Variants in PTPRO observed in about 807,000 individuals in gnomAD.
PTPRO encodes the protein receptor-type tyrosine-protein phosphatase O.
Under a neutral mutation model 145.2 loss-of-function variants are expected in PTPRO, and 62 were observed. The ratio of observed to expected loss-of-function variants is 0.43; its 90% confidence interval spans 0.35 to 0.53. PTPRO has a LOEUF of 0.53. Ranked by LOEUF, PTPRO falls within the 20% of genes least tolerant of loss-of-function variation. The pLI, the probability that PTPRO is intolerant of heterozygous loss-of-function variation, is 0.01. For missense variants in PTPRO, 1,345 were observed against 1,482.7 expected (o/e 0.91, Z 1.53); for synonymous variants, 565 against 514.7 (o/e 1.10, Z -1.32).
intron 1 of PTPRO, among the ~76,000 whole-genome samples, chr12:15,436,542 C>A (rs1940599731): frequency 6.6e-6 from 1 of 152,152 alleles, no homozygotes; most frequent in Admixed American, 6.5e-5. Flanking sequence ...GAGATCCAAG[C>A]AACCCAGGCC....
At chr12:15,523,598 G>A (rs949942274) in intron 10 of PTPRO, among the ~76,000 whole-genome samples, 2 of 151,996 alleles carry the variant, frequency 1.3e-5, no homozygotes, top group Non-Finnish European at 2.9e-5. Flanking sequence ...AATATAGAAA[G>A]ACCCTGTCTC....
chr12:15,328,573 C>G (rs1247571883), intron 1 of PTPRO, among the ~76,000 whole-genome samples: 1 of 151,748 alleles, frequency 6.6e-6, no homozygotes, highest in Non-Finnish European at 1.5e-5. Flanking sequence ...AACAGAGAAT[C>G]AGAAATGGAA....
At chr12:15,437,804 G>A (rs529760646) in intron 1 of PTPRO, among the ~76,000 whole-genome samples, 11 of 152,182 alleles carry the variant, frequency 7.2e-5, no homozygotes, top group African/African-American at 2.7e-4. Context: ...GTGCCTGGTA[G>A]CCACCCACTG....
chr12:15,538,835 A>G (rs1203655651), intron 12 of PTPRO, among the ~76,000 whole-genome samples: 2 of 152,106 alleles, frequency 1.3e-5, no homozygotes, highest in African/African-American at 4.8e-5. Flanking sequence ...TGTGGATCCC[A>G]GTTCTTGCCC....
chr12:15,393,874 C>G (rs1410682062), intron 1 of PTPRO, among the ~76,000 whole-genome samples: 1 of 152,126 alleles, frequency 6.6e-6, no homozygotes, highest in Non-Finnish European at 1.5e-5. Context: ...GAGATCCCAT[C>G]TTGTGAAGGC....
At chr12:15,356,757 T>C (rs1031531533) in intron 1 of PTPRO, among the ~76,000 whole-genome samples, 3 of 152,178 alleles carry the variant, frequency 2.0e-5, no homozygotes, top group Non-Finnish European at 2.9e-5. Flanking sequence ...ATCATCAATG[T>C]TTAAATTTTA....
intron 1 of PTPRO, among the ~76,000 whole-genome samples, chr12:15,359,652 T>G (rs1938113586): frequency 6.6e-6 from 1 of 152,036 alleles, no homozygotes; most frequent in African/African-American, 2.4e-5. Context: ...CAAACTCTTG[T>G]GTGCGGATCA....
intron 1 of PTPRO, among the ~76,000 whole-genome samples, chr12:15,349,841 T>C (rs934682855): frequency 1.3e-5 from 2 of 152,184 alleles, no homozygotes; most frequent in African/African-American, 4.8e-5. Flanking sequence ...TGATTACACG[T>C]AGGACAAGGG....
intron 1 of PTPRO, among the ~76,000 whole-genome samples, chr12:15,375,420 G>C (rs1356038168): frequency 1.3e-5 from 2 of 152,044 alleles, no homozygotes; most frequent in East Asian, 1.9e-4. Flanking sequence ...AAGAATTAAA[G>C]GACAGTATGA....
intron 1 of PTPRO, among the ~76,000 whole-genome samples, chr12:15,351,788 C>G (rs140564340): frequency 1.3e-5 from 2 of 152,150 alleles, no homozygotes; most frequent in Non-Finnish European, 2.9e-5. Context: ...AGGGATTTAA[C>G]AAAAAAACAT....
chr12:15,542,642 C>T (rs1000913538), intron 12 of PTPRO, among the ~76,000 whole-genome samples: 2 of 152,158 alleles, frequency 1.3e-5, no homozygotes, highest in African/African-American at 4.8e-5. Flanking sequence ...CTAGTAGCCA[C>T]ATTAAAAATT....
Position 15,526,274 on chromosome 12 carries a change from G to A in PTPRO, c.2164+12G>A, listed in dbSNP as rs7134888. 0.4 allele frequency: 637,314 copies of A among 1,611,764 alleles called. 129,654 individuals are homozygous for A. The highest frequency in any genetic ancestry group is 0.55 in the African/African-American group (40,971 of 74,850). On this transcript the variant is annotated intron_variant, in intron 12 of 26. Transcript: ENST00000281171. ...CCTTGTCAAGCTAGGTAAGAAGAGT[G>A]CACAGAGATGGGTGTGAAATAATCA...
intron 1 of PTPRO, among the ~76,000 whole-genome samples, chr12:15,436,286 C>T (rs989758657): frequency 6.6e-6 from 1 of 152,104 alleles, no homozygotes; most frequent in Non-Finnish European, 1.5e-5. Context: ...CAGAGCATAA[C>T]TGAAGGAAAT....
chr12:15,470,300 T>C, intron 1 of PTPRO, among the ~76,000 whole-genome samples: 1 of 152,182 alleles, frequency 6.6e-6, no homozygotes. Flanking sequence ...TCCTCCACAA[T>C]ATAATAGGGT....
chr12:15,515,410 A>T, intron 7 of PTPRO, 88 bp from the exon 8 acceptor site: 2 of 1,545,246 alleles, frequency 1.3e-6, no homozygotes, highest in Non-Finnish European at 1.8e-6. Context: ...TGTGATTCCA[A>T]AAAGAGTCTC....
At chr12:15,427,733 G>T (rs1461037) in intron 1 of PTPRO, among the ~76,000 whole-genome samples, 111,203 of 151,562 alleles carry the variant, frequency 0.73, 40,901 homozygotes, top group East Asian at 0.77. Flanking sequence ...AAATGTTAAA[G>T]TTTAGCTATC....
chr12:15,353,214 A>G (rs1288519698), intron 1 of PTPRO, among the ~76,000 whole-genome samples: 1 of 152,032 alleles, frequency 6.6e-6, no homozygotes, highest in African/African-American at 2.4e-5. Flanking sequence ...CCACTCATCT[A>G]CCCCACCCTA....
chr12:15,502,674 T>G (rs1023690483), intron 5 of PTPRO, among the ~76,000 whole-genome samples: 1 of 152,194 alleles, frequency 6.6e-6, no homozygotes, highest in Non-Finnish European at 1.5e-5. Flanking sequence ...TAACTCAGCA[T>G]CTGAGGTTCA....
intron 1 of PTPRO, among the ~76,000 whole-genome samples, chr12:15,373,212 C>A (rs1036281959): frequency 6.6e-6 from 1 of 152,116 alleles, no homozygotes; most frequent in Non-Finnish European, 1.5e-5. Context: ...TATGAGATCA[C>A]CAAGTTGATT....
Sources: gnomAD v4.1 joint callset for allele counts (sites outside exome capture counted in the v4.1 genomes callset) on GRCh38, gnomAD v4.1.1 for gene constraint, MANE v1.5 for transcripts, NCBI Gene and HGNC (gene_info 2026-07-23, HGNC 2026-07-21) for gene names.